Variants in MCTP2 observed in about 807,000 individuals in gnomAD.
The protein encoded by MCTP2 is multiple C2 and transmembrane domain-containing protein 2.
A neutral mutation model predicts 111.6 loss-of-function variants in MCTP2; 132 were observed. The observed-to-expected ratio is 1.18, with a 90% CI of 1.03 to 1.37. The LOEUF (loss-of-function observed/expected upper bound fraction) is 1.37, where lower values mean the gene tolerates loss of function less well. MCTP2 is among the 40% of genes most tolerant of loss of function. MCTP2 has a pLI of 0.00. For synonymous variants in MCTP2, 395 were observed against 387.7 expected, an observed-to-expected ratio of 1.02 and a Z score of -0.22; for missense variants, 1,183 against 1,067.9, an observed-to-expected ratio of 1.11 and a Z score of -1.50.
Position 94,373,852 on chromosome 15 carries a change from C to A in MCTP2, c.1582+3672C>A, listed in dbSNP as rs545148717. 8.6e-4 allele frequency among the ~76,000 whole-genome samples: 131 copies of A among 152,266 alleles called. No homozygotes were observed. In the South Asian group the frequency reaches 0.011, roughly 13 times the overall value. The stretch of plus-strand genomic sequence containing the variant: ...ATTTTTAAGTAATAGGTGATGCAGC[C>A]TGATGTCATTACTTTTGTAGTAAAC... On this transcript the variant is annotated intron_variant, in intron 12 of 22. Transcript: ENST00000357742.
chr15:94,300,388 TAGTCCC>T (rs2075548018), intron 2 of MCTP2, among the ~76,000 whole-genome samples: 1 of 151,490 alleles, frequency 6.6e-6, no homozygotes, highest in Non-Finnish European at 1.5e-5. Context: ...CGGGCACCTG[TAGTCCC>T]AGCTACTTGG....
At chr15:94,472,432 A>T (rs1287242049) in intron 21 of MCTP2, among the ~76,000 whole-genome samples, 1 of 152,190 alleles carries the variant, frequency 6.6e-6, no homozygotes, top group East Asian at 1.9e-4. Context: ...TTCTCATTTG[A>T]TCATCAATTT....
intron 1 of MCTP2, among the ~76,000 whole-genome samples, chr15:94,236,167 T>C (rs572249831): frequency 1.3e-5 from 2 of 152,198 alleles, no homozygotes; most frequent in African/African-American, 4.8e-5. Context: ...TGTTTCCTTG[T>C]TTAGGAATGC....
At chr15:94,348,338 C>G (rs2078100673) in intron 8 of MCTP2, among the ~76,000 whole-genome samples, 1 of 146,446 alleles carries the variant, frequency 6.8e-6, no homozygotes, top group South Asian at 2.2e-4. Context: ...CCCTTCCCCT[C>G]TCCCTCTCCT....
intron 1 of MCTP2, among the ~76,000 whole-genome samples, chr15:94,275,934 T>C (rs1254026558): frequency 1.3e-5 from 2 of 151,042 alleles, no homozygotes; most frequent in African/African-American, 2.4e-5. Flanking sequence ...CTGCAACCTC[T>C]GCCTCCCTGG....
In MCTP2 at chr15:94,440,217, C is replaced by T; in HGVS notation, c.2127C>T (p.Ile709=). 2 of 1,613,852 alleles carry T rather than the reference C, an allele frequency of 1.2e-6. No individual in the cohort carries two copies. The highest frequency in any genetic ancestry group is 1.7e-6 in the Non-Finnish European group (2 of 1,179,820). Residue 709 remains isoleucine, a synonymous_variant, in exon 18 of 23, where the codon ATC becomes ATT. Transcript: ENST00000357742. The part of the protein sequence containing the change: ...ITVWNFELYM[I]PLALLLIFVY... ...TCTGGAATTTTGAACTATATATGAT[C>T]CCCTTGGCATTGTTGCTGATCTTTG...
intron 1 of MCTP2, among the ~76,000 whole-genome samples, chr15:94,257,099 TG>T (rs2072823672): frequency 6.6e-6 from 1 of 152,212 alleles, no homozygotes; most frequent in African/African-American, 2.4e-5. Context: ...TTGACCTCTT[TG>T]CTGTTAGAAG....
Position 94,446,177 on chromosome 15 carries a change from T to C in MCTP2, c.2250+3217T>C, listed in dbSNP as rs150420161. Among the ~76,000 whole-genome samples, 1,051 of 152,320 alleles carry C rather than the reference T, an allele frequency of 6.9e-3. 12 individuals are homozygous for C. Among genetic ancestry groups the C allele is most frequent in the African/African-American group, 0.024 (985 of 41,566 alleles). ...ATTTTGCCTTTTCTTTTGCAGACTT[T>C]CAGGGATAACATAGAACTTTCAGGT... On this transcript the variant is annotated intron_variant, in intron 19 of 22. Transcript: ENST00000357742.
intron 1 of MCTP2, among the ~76,000 whole-genome samples, chr15:94,244,015 A>G (rs1010653961): frequency 2.7e-5 from 4 of 147,282 alleles, no homozygotes; most frequent in African/African-American, 4.9e-5. Flanking sequence ...ACACATATGT[A>G]TACACATACG....
chr15:94,297,122 T>G (rs1221716434), intron 1 of MCTP2, among the ~76,000 whole-genome samples: 1 of 152,204 alleles, frequency 6.6e-6, no homozygotes, highest in African/African-American at 2.4e-5. Context: ...ACAGGCCAGG[T>G]CTCAGTGTCT....
In MCTP2 at chr15:94,340,881, T is replaced by G. The variant is rs557621942; in HGVS notation, c.926T>G (p.Leu309Ter). 1.6e-5 allele frequency: 26 copies of G among 1,612,768 alleles called. No homozygotes were observed. The African/African-American group carries it at 3.3e-4, about 21-fold the overall frequency. ...GAAGATGACATGGGAGTGATCGTGT[T>G]AAATTTGAACCTAGTGGTAAAACAG... ...SLEDDMGVIV[L>*]NLNLVVKQGD... Residue 309 changes from leucine (L) to a stop codon, truncating the protein, a stop_gained, in exon 7 of 23, where the codon TTA (leucine) becomes TGA (stop). Coordinates refer to ENST00000357742, the MANE Select transcript of MCTP2 (RefSeq NM_001385001.1). LOFTEE classifies it high-confidence loss of function.
chr15:94,452,019 A>G (rs1172923683), intron 19 of MCTP2, among the ~76,000 whole-genome samples: 1 of 152,158 alleles, frequency 6.6e-6, no homozygotes, highest in African/African-American at 2.4e-5. Context: ...ACATTTTCCA[A>G]ATATTAAACT....
At chr15:94,254,534 A>G (rs2072644504) in intron 1 of MCTP2, among the ~76,000 whole-genome samples, 1 of 152,238 alleles carries the variant, frequency 6.6e-6, no homozygotes. Context: ...GCACTTAGTC[A>G]CTGCCAAACA....
At position 94,326,820 on chromosome 15, in the gene MCTP2, C is replaced by G. The variant is rs1224888433; in HGVS notation, c.637+11183C>G. On this transcript the variant is annotated intron_variant, in intron 4 of 22. Coordinates refer to ENST00000357742, the MANE Select transcript of MCTP2 (RefSeq NM_001385001.1). ...TGACCTCAGGTGATCCCCGCCCCAC[C>G]CCCCCCCAACCTCGGCCTCCCAAAG... 3.8e-4 allele frequency among the ~76,000 whole-genome samples: 33 copies of G among 87,940 alleles called. 3 individuals are homozygous for G. In the South Asian group the frequency reaches 0.017, roughly 46 times the overall value. 57.7% of individuals were successfully genotyped at this position (87,940 alleles called of 152,430 possible).
chr15:94,389,275 G>A (rs190052718), intron 14 of MCTP2, among the ~76,000 whole-genome samples: 26 of 152,154 alleles, frequency 1.7e-4, no homozygotes, highest in East Asian at 1.4e-3. Context: ...GGGAAAGGCC[G>A]TGTCTGGGAA....
chr15:94,362,283 C>A (rs1362976350), intron 10 of MCTP2, among the ~76,000 whole-genome samples: 1 of 152,056 alleles, frequency 6.6e-6, no homozygotes, highest in African/African-American at 2.4e-5. Context: ...ATAGATTATT[C>A]CATTTTGAGC....
chr15:94,403,098 A>G, intron 17 of MCTP2: 1 of 986,552 alleles, frequency 1.0e-6, no homozygotes, highest in Non-Finnish European at 1.2e-6. Flanking sequence ...TTCCTTTGCC[A>G]TTGGGGGGTA....
At chr15:94,245,483 C>T (rs373240138) in intron 1 of MCTP2, among the ~76,000 whole-genome samples, 2 of 136,600 alleles carry the variant, frequency 1.5e-5, no homozygotes, top group African/African-American at 2.7e-5. Flanking sequence ...TGTATATATA[C>T]ATACATGTAT....
At chr15:94,320,031 A>T (rs1567413469) in intron 4 of MCTP2, among the ~76,000 whole-genome samples, 1 of 152,096 alleles carries the variant, frequency 6.6e-6, no homozygotes, top group African/African-American at 2.4e-5. Flanking sequence ...CCTCAATCTT[A>T]TAAGATTTTA....
Sources: allele counts gnomAD v4.1 joint callset (sites outside exome capture counted in the v4.1 genomes callset), GRCh38; gene constraint gnomAD v4.1.1; transcripts MANE v1.5; gene names NCBI Gene and HGNC (gene_info 2026-07-23, HGNC 2026-07-21).